The following PTPRD variants were observed in gnomAD, a reference collection of about 807,000 sequenced individuals.
PTPRD encodes protein tyrosine phosphatase receptor type D, also known as receptor-type tyrosine-protein phosphatase delta.
In PTPRD, 34 loss-of-function variants were observed where a neutral mutation model predicts 214.5. That is an observed-to-expected ratio of 0.16 (90% CI 0.12 to 0.21). The LOEUF is 0.21. Ranked by LOEUF, PTPRD falls within the 10% of genes least tolerant of loss-of-function variation. The pLI is 1.00. For synonymous variants in PTPRD, 1,128 were observed against 845.7 expected (o/e 1.33, Z -5.79); for missense variants, 2,545 against 2,398.7 (o/e 1.06, Z -1.27).
chr9:10,482,440 TAAAG>T (rs1357414608), intron 2 of PTPRD, among the ~76,000 whole-genome samples: 1 of 151,760 alleles, frequency 6.6e-6, no homozygotes, highest in Non-Finnish European at 1.5e-5. Flanking sequence ...TTAGGCAAGA[TAAAG>T]AAATAAAGGG....
intron 7 of PTPRD, among the ~76,000 whole-genome samples, chr9:9,644,527 A>G (rs936703269): frequency 1.3e-5 from 2 of 152,230 alleles, no homozygotes; most frequent in African/African-American, 4.8e-5. Flanking sequence ...GAAGCAATGA[A>G]AATAACAAAT....
chr9:10,318,953 G>A (rs952796485), intron 3 of PTPRD, among the ~76,000 whole-genome samples: 2 of 152,070 alleles, frequency 1.3e-5, no homozygotes, highest in African/African-American at 2.4e-5. Context: ...ACTTCTGAGA[G>A]CTATCAGCCA....
At chr9:8,377,217 A>C (rs2083509616) in intron 37 of PTPRD, among the ~76,000 whole-genome samples, 1 of 152,148 alleles carries the variant, frequency 6.6e-6, no homozygotes, top group Non-Finnish European at 1.5e-5. Context: ...AAACAACATA[A>C]GCATGTGCTT....
chr9:8,332,398 G>T (rs955836450), intron 43 of PTPRD, among the ~76,000 whole-genome samples: 8 of 152,246 alleles, frequency 5.3e-5, no homozygotes, highest in African/African-American at 1.9e-4. Flanking sequence ...ATATGACTGT[G>T]CTGTTAAGTG....
Position 10,470,311 on chromosome 9 carries a change from C to T in PTPRD, c.-599-129294G>A, listed in dbSNP as rs185158679. On this transcript the variant is annotated intron_variant, in intron 2 of 45. Transcript: ENST00000381196. ...TAAAGCTCAGGGAACAGTGAAGACT[C>T]AAAAATAGCAATATAAGATGTATCT... Among the ~76,000 whole-genome samples, 8 of 151,796 alleles carry T rather than the reference C, an allele frequency of 5.3e-5. No homozygotes were observed. In the East Asian group the frequency reaches 1.2e-3, roughly 22 times the overall value.
chr9:9,906,458 G>A (rs906551576), intron 5 of PTPRD, among the ~76,000 whole-genome samples: 19 of 151,918 alleles, frequency 1.3e-4, no homozygotes, highest in African/African-American at 3.4e-4. Flanking sequence ...TGGTGCCTAC[G>A]TAATCAGTAG....
intron 2 of PTPRD, among the ~76,000 whole-genome samples, chr9:10,378,956 T>C (rs1200774286): frequency 6.6e-6 from 1 of 152,050 alleles, no homozygotes; most frequent in Non-Finnish European, 1.5e-5. Flanking sequence ...GAACATGGAA[T>C]AGCTCTCCAT....
intron 14 of PTPRD, among the ~76,000 whole-genome samples, chr9:8,539,876 T>A (rs76115932): frequency 0.019 from 2,853 of 152,184 alleles, 48 homozygotes; most frequent in African/African-American, 0.046. Context: ...TGAATGGCGA[T>A]AACTGGTGAA....
intron 24 of PTPRD, among the ~76,000 whole-genome samples, chr9:8,500,174 G>T (rs1376527366): frequency 1.3e-5 from 2 of 151,872 alleles, no homozygotes; most frequent in East Asian, 3.9e-4. Flanking sequence ...AAGAGGTATA[G>T]CATTGAAATA....
At chr9:9,423,744 C>G (rs2079735338) in intron 8 of PTPRD, among the ~76,000 whole-genome samples, 1 of 151,706 alleles carries the variant, frequency 6.6e-6, no homozygotes, top group South Asian at 2.1e-4. Flanking sequence ...AATTAAGAAC[C>G]CAATGAATAA....
At chr9:8,616,215 T>C (rs79984430) in intron 14 of PTPRD, among the ~76,000 whole-genome samples, 5,419 of 152,066 alleles carry the variant, frequency 0.036, 340 homozygotes, top group African/African-American at 0.12. Context: ...ACAAATCAAT[T>C]GAAGTGCAAC....
chr9:10,246,394 C>T (rs1361252672), intron 3 of PTPRD, among the ~76,000 whole-genome samples: 1 of 152,096 alleles, frequency 6.6e-6, no homozygotes, highest in Non-Finnish European at 1.5e-5. Flanking sequence ...CAGGTGCCCA[C>T]CATCATGCCC....
intron 37 of PTPRD, among the ~76,000 whole-genome samples, chr9:8,386,776 C>G (rs2087234632): frequency 6.6e-6 from 1 of 152,122 alleles, no homozygotes; most frequent in African/African-American, 2.4e-5. Flanking sequence ...TTTGGGAATC[C>G]AGGAATGCCT....
chr9:8,543,006 G>A (rs772795900), intron 14 of PTPRD, among the ~76,000 whole-genome samples: 12 of 152,154 alleles, frequency 7.9e-5, no homozygotes, highest in African/African-American at 1.2e-4. Flanking sequence ...ACAGCCAATG[G>A]TCTCCTGAAT....
At chr9:9,375,491 G>T (rs1174737048) in intron 9 of PTPRD, among the ~76,000 whole-genome samples, 1 of 152,088 alleles carries the variant, frequency 6.6e-6, no homozygotes, top group East Asian at 1.9e-4. Context: ...AGCTACTCGG[G>T]AGGCTGAGGC....
intron 11 of PTPRD, among the ~76,000 whole-genome samples, chr9:8,750,965 T>A (rs1014413988): frequency 2.5e-4 from 38 of 152,166 alleles, no homozygotes; most frequent in African/African-American, 8.9e-4. Context: ...TTCCCAAGTC[T>A]CTGTAGAGAC....
At chr9:9,891,506 T>A (rs1291803693) in intron 5 of PTPRD, among the ~76,000 whole-genome samples, 1 of 152,110 alleles carries the variant, frequency 6.6e-6, no homozygotes, top group African/African-American at 2.4e-5. Flanking sequence ...TATGTATATT[T>A]CTCTGCATAT....
intron 8 of PTPRD, among the ~76,000 whole-genome samples, chr9:9,572,339 T>G (rs2086699842): frequency 1.3e-5 from 2 of 151,402 alleles, no homozygotes; most frequent in South Asian, 4.1e-4. Flanking sequence ...AGAAAGTATT[T>G]AAGAATGTAA....
chr9:9,193,026 C>T (rs1324575849), intron 9 of PTPRD, among the ~76,000 whole-genome samples: 2 of 152,076 alleles, frequency 1.3e-5, no homozygotes, highest in African/African-American at 4.8e-5. Context: ...ATTTACCTGT[C>T]AACAGAATGT....
Sources: allele counts gnomAD v4.1 joint callset (sites outside exome capture counted in the v4.1 genomes callset), GRCh38; gene constraint gnomAD v4.1.1; transcripts MANE v1.5; gene names NCBI Gene and HGNC (gene_info 2026-07-23, HGNC 2026-07-21).